Variants in CCDC85A observed in about 807,000 individuals in gnomAD.
CCDC85A encodes coiled-coil domain containing 85A, also known as coiled-coil domain-containing protein 85A.
CCDC85A carries 38 observed loss-of-function variants against 50.2 expected under a neutral mutation model. The observed-to-expected ratio is 0.76, with a 90% CI of 0.58 to 0.99. CCDC85A has a LOEUF of 0.99. Among genes scored for constraint, CCDC85A ranks in the 50% least tolerant of loss-of-function variants. The pLI, the probability that CCDC85A is intolerant of heterozygous loss-of-function variation, is 0.00. For missense variants in CCDC85A, 820 were observed against 742.0 expected (o/e 1.11, Z -1.22); for synonymous variants, 366 against 301.4 (o/e 1.21, Z -2.22).
chr2:56,269,863 G>A (rs1057092744), intron 2 of CCDC85A, among the ~76,000 whole-genome samples: 1 of 152,066 alleles, frequency 6.6e-6, no homozygotes, highest in African/African-American at 2.4e-5. Flanking sequence ...GAAAAATAGC[G>A]CTATTATATT....
intron 2 of CCDC85A, among the ~76,000 whole-genome samples, chr2:56,323,000 T>C (rs905854937): frequency 9.2e-5 from 14 of 152,228 alleles, no homozygotes; most frequent in Admixed American, 5.2e-4. Context: ...TATACGGATA[T>C]GGATGAAACT....
chr2:56,200,702 A>C (rs982589868), intron 2 of CCDC85A, among the ~76,000 whole-genome samples: 3 of 152,196 alleles, frequency 2.0e-5, no homozygotes, highest in African/African-American at 7.2e-5. Flanking sequence ...TCATTCTTAT[A>C]AAGGCAATAC....
chr2:56,271,306 G>A (rs1045879917), intron 2 of CCDC85A, among the ~76,000 whole-genome samples: 3 of 152,172 alleles, frequency 2.0e-5, no homozygotes, highest in Admixed American at 6.5e-5. Context: ...TATAGCATGC[G>A]TGTTTAGGTG....
At position 56,204,866 on chromosome 2, in the gene CCDC85A, C is replaced by T. The variant is rs369812415; in HGVS notation, c.1240+11426C>T. On this transcript the variant is annotated intron_variant, in intron 2 of 5. Coordinates refer to ENST00000407595, the MANE Select transcript of CCDC85A (RefSeq NM_001080433.2). Reference sequence around the variant, plus strand: ...GCAATATCAGAATAAACCACATCCTCTTTGAAGCACCACAGTGATGAGTCT... The same window carrying T: ...GCAATATCAGAATAAACCACATCCTTTTTGAAGCACCACAGTGATGAGTCT... Among the ~76,000 whole-genome samples the T allele has an allele frequency of 1.8e-4, 28 of 152,320 alleles. No individual in the cohort carries two copies. In the East Asian group the frequency reaches 2.3e-3, roughly 13 times the overall value.
rs542155616 is a variant in CCDC85A, at chr2:56,332,692, C to T, written c.1241-10187C>T. Among the ~76,000 whole-genome samples the T allele has an allele frequency of 4.4e-5, 6 of 135,976 alleles. No homozygotes were observed. The East Asian group carries it at 1.6e-3, about 36-fold the overall frequency. 89.2% of individuals were successfully genotyped at this position (135,976 alleles called of 152,430 possible). Reference sequence around the variant, plus strand: ...CTCTCACTGCCCCCCCTTTTCCCCCCTCTCTCCCTCTTCTCTCCCTGCTCT... The same window carrying T: ...CTCTCACTGCCCCCCCTTTTCCCCCTTCTCTCCCTCTTCTCTCCCTGCTCT... On this transcript the variant is annotated intron_variant, in intron 2 of 5. Transcript: ENST00000407595.
At chr2:56,370,567 C>T (rs1392204015) in intron 3 of CCDC85A, among the ~76,000 whole-genome samples, 1 of 151,952 alleles carries the variant, frequency 6.6e-6, no homozygotes, top group Non-Finnish European at 1.5e-5. Context: ...CTATAAAATA[C>T]ATATTTAATA....
At chr2:56,284,892 T>A (rs1037439224) in intron 2 of CCDC85A, among the ~76,000 whole-genome samples, 4 of 152,192 alleles carry the variant, frequency 2.6e-5, no homozygotes, top group Admixed American at 2.6e-4. Context: ...TTAAAGACTA[T>A]TTTTTGTTAT....
intron 2 of CCDC85A, among the ~76,000 whole-genome samples, chr2:56,229,805 G>C (rs75328250): frequency 0.024 from 3,583 of 152,212 alleles, 60 homozygotes; most frequent in Non-Finnish European, 0.038. Context: ...TAGTCAGAAA[G>C]AGCCTACCCC....
At chr2:56,329,063 T>C (rs1478899090) in intron 2 of CCDC85A, among the ~76,000 whole-genome samples, 1 of 152,172 alleles carries the variant, frequency 6.6e-6, no homozygotes, top group African/African-American at 2.4e-5. Context: ...GGGACTTGTC[T>C]CCTTTCCAGG....
Position 56,317,888 on chromosome 2 carries a change from A to T in CCDC85A, c.1241-24991A>T, listed in dbSNP as rs377245909. Among the ~76,000 whole-genome samples the T allele has an allele frequency of 4.0e-4, 61 of 152,026 alleles. 1 individual carries two copies. The highest frequency in any genetic ancestry group is 1.5e-3 in the African/African-American group (61 of 41,476). On this transcript the variant is annotated intron_variant, in intron 2 of 5. Transcript: ENST00000407595. ...TTGGGGGATTACCTATGATCGCTTC[A>T]CTCTCTCCTTGACTAACCAGATTAC...
At chr2:56,239,850 A>G (rs977002177) in intron 2 of CCDC85A, among the ~76,000 whole-genome samples, 10 of 152,214 alleles carry the variant, frequency 6.6e-5, no homozygotes, top group Admixed American at 3.3e-4. Context: ...TCATAGTTTT[A>G]GGGCTCATTA....
intron 3 of CCDC85A, among the ~76,000 whole-genome samples, chr2:56,362,146 C>A (rs112049429): frequency 2.8e-3 from 425 of 152,244 alleles, no homozygotes; most frequent in Non-Finnish European, 4.4e-3. Context: ...CAGTGAATGG[C>A]AGCCCAGGGA....
chr2:56,318,532 A>T (rs934068034), intron 2 of CCDC85A, among the ~76,000 whole-genome samples: 1 of 152,054 alleles, frequency 6.6e-6, no homozygotes, highest in Non-Finnish European at 1.5e-5. Flanking sequence ...TTTCTTATCT[A>T]TTATTACCTG....
chr2:56,385,674 G>A lies in CCDC85A; in HGVS notation c.*1319G>A, dbSNP rs957037261. 2.6e-5 allele frequency: 4 copies of A among 151,966 alleles called. No individual in the cohort carries two copies. Among genetic ancestry groups the A allele is most frequent in the Non-Finnish European group, 5.9e-5 (4 of 67,772 alleles). The allele number at this position is 151,966 out of a possible 1,614,324, so 9.4% of individuals were successfully genotyped here. On this transcript the variant is annotated 3_prime_UTR_variant, in exon 6 of 6. Transcript: ENST00000407595. Reference sequence around the variant, plus strand: ...TTCATGGCAGATATTCTCTGTTGTTGTTGTTTTAGATGGGCTCATTACATA... The same window carrying A: ...TTCATGGCAGATATTCTCTGTTGTTATTGTTTTAGATGGGCTCATTACATA...
Position 56,372,398 on chromosome 2 carries a change from G to C in CCDC85A, c.1372G>C (p.Gly458Arg). ...PTRNSSNMEK[G>R]WGSRARRVLQ... ...TAGAAACAGCTCAAATATGGAGAAA[G>C]GCTGGGGGTCCAGAGCCCGGCGGGT... The change falls in exon 4 of 6, where the codon GGC becomes CGC. Residue 458 changes from glycine (G) to arginine (R), a missense_variant. Physicochemically the swap from Gly to Arg is moderately radical, Grantham distance 125. Transcript: ENST00000407595. The C allele has an allele frequency of 1.2e-6, 2 of 1,602,686 alleles. No individual in the cohort carries two copies. Among genetic ancestry groups the C allele is most frequent in the African/African-American group, 1.3e-5 (1 of 74,794 alleles).
chr2:56,235,183 A>C (rs1219122024), intron 2 of CCDC85A: 2 of 152,192 alleles, frequency 1.3e-5, no homozygotes, highest in African/African-American at 4.8e-5. Flanking sequence ...AAGCTTGTCT[A>C]AATGAAAAAG....
intron 5 of CCDC85A, among the ~76,000 whole-genome samples, chr2:56,380,831 T>C (rs1676551267): frequency 6.6e-6 from 1 of 152,120 alleles, no homozygotes; most frequent in South Asian, 2.1e-4. Flanking sequence ...GAAGCCATTG[T>C]TAAATGCAAG....
intron 2 of CCDC85A, among the ~76,000 whole-genome samples, chr2:56,300,256 G>A (rs188137138): frequency 3.2e-4 from 48 of 152,190 alleles, no homozygotes; most frequent in Admixed American, 3.1e-3. Context: ...ACCATAAGAT[G>A]ATCCTTAAGG....
intron 2 of CCDC85A, among the ~76,000 whole-genome samples, chr2:56,285,085 T>C (rs1310638685): frequency 6.6e-6 from 1 of 151,914 alleles, no homozygotes; most frequent in African/African-American, 2.4e-5. Context: ...AGTTTTGACT[T>C]ACCTTTCTTT....
Sources: gnomAD v4.1 joint callset for allele counts (sites outside exome capture counted in the v4.1 genomes callset) on GRCh38, gnomAD v4.1.1 for gene constraint, MANE v1.5 for transcripts, NCBI Gene and HGNC (gene_info 2026-07-23, HGNC 2026-07-21) for gene names.